SLC10A7: variants seen among roughly 807,000 people sequenced by gnomAD.
SLC10A7 encodes the protein solute carrier family 10 member 7.
SLC10A7 carries 29 observed loss-of-function variants against 43.2 expected under a neutral mutation model. The ratio of observed to expected loss-of-function variants is 0.67; its 90% CI spans 0.50 to 0.92. The LOEUF is 0.92. SLC10A7 is among the 40% of genes least tolerant of loss of function. The pLI is 0.00. For missense variants in SLC10A7, 295 were observed against 403.2 expected (o/e 0.73, Z 2.30); for synonymous variants, 152 against 144.8 (o/e 1.05, Z -0.35).
At chr4:146,348,010 A>G (rs1734746189) in intron 5 of SLC10A7, among the ~76,000 whole-genome samples, 1 of 152,206 alleles carries the variant, frequency 6.6e-6, no homozygotes, top group South Asian at 2.1e-4. Flanking sequence ...TAGACACAAG[A>G]AAGGCTGACA....
At chr4:146,335,959 G>T (rs1338232577) in intron 5 of SLC10A7, among the ~76,000 whole-genome samples, 1 of 152,082 alleles carries the variant, frequency 6.6e-6, no homozygotes, top group Non-Finnish European at 1.5e-5. Context: ...CTGGAAGCTT[G>T]TGAGAACTAG....
chr4:146,492,166 G>T (rs1735515267), intron 4 of SLC10A7, among the ~76,000 whole-genome samples: 1 of 151,668 alleles, frequency 6.6e-6, no homozygotes, highest in Admixed American at 6.6e-5. Context: ...CTTGCAGTGA[G>T]CCGAGATCGC....
At chr4:146,489,371 G>A (rs1349848396) in intron 4 of SLC10A7, among the ~76,000 whole-genome samples, 7 of 152,152 alleles carry the variant, frequency 4.6e-5, no homozygotes, top group Admixed American at 1.3e-4. Flanking sequence ...CCTTGTTTGC[G>A]CTCTGTAAGC....
At chr4:146,338,464 G>C (rs1414566676) in intron 5 of SLC10A7, among the ~76,000 whole-genome samples, 1 of 151,914 alleles carries the variant, frequency 6.6e-6, no homozygotes, top group African/African-American at 2.4e-5. Context: ...AAGTCATGCA[G>C]TCTGGTTCCA....
intron 5 of SLC10A7, among the ~76,000 whole-genome samples, chr4:146,379,719 A>G (rs1485320385): frequency 6.6e-6 from 1 of 152,122 alleles, no homozygotes; most frequent in Non-Finnish European, 1.5e-5. Context: ...ATTCCTCCTT[A>G]TATTTTTATC....
chr4:146,519,267 CAT>C (rs1004743545), intron 1 of SLC10A7, among the ~76,000 whole-genome samples: 13 of 138,980 alleles, frequency 9.4e-5, no homozygotes, highest in African/African-American at 1.3e-4. Context: ...TAATATATAA[CAT>C]ATTATATACA....
At chr4:146,456,696 C>T (rs981074920) in intron 4 of SLC10A7, among the ~76,000 whole-genome samples, 1 of 151,870 alleles carries the variant, frequency 6.6e-6, no homozygotes, top group Non-Finnish European at 1.5e-5. Context: ...GAGGCAACAC[C>T]GAGTTTTAAT....
intron 5 of SLC10A7, among the ~76,000 whole-genome samples, chr4:146,433,351 AAAGTAACCATCTCAAT>A (rs1447081102): frequency 3.3e-5 from 5 of 151,874 alleles, no homozygotes; most frequent in African/African-American, 1.2e-4. Flanking sequence ...CTTTGAAACC[AAAGTAACCATCTCAAT>A]AAGAAACATA....
At chr4:146,501,987 A>G (rs896323565) in intron 4 of SLC10A7, among the ~76,000 whole-genome samples, 5 of 152,234 alleles carry the variant, frequency 3.3e-5, no homozygotes, top group African/African-American at 1.2e-4. Context: ...AGGAAAAAAT[A>G]TTGACAAAGC....
At chr4:146,403,471 A>C (rs1045203155) in intron 5 of SLC10A7, among the ~76,000 whole-genome samples, 11 of 152,244 alleles carry the variant, frequency 7.2e-5, no homozygotes, top group African/African-American at 2.4e-4. Flanking sequence ...TTTTTCTAGT[A>C]GTGCTTTCCG....
At chr4:146,418,973 T>C (rs1316234070) in intron 5 of SLC10A7, among the ~76,000 whole-genome samples, 1 of 152,164 alleles carries the variant, frequency 6.6e-6, no homozygotes, top group Non-Finnish European at 1.5e-5. Context: ...CAGATTATGA[T>C]AAAGGATATT....
At chr4:146,428,824 A>C (rs1243999631) in intron 5 of SLC10A7, among the ~76,000 whole-genome samples, 1 of 152,182 alleles carries the variant, frequency 6.6e-6, no homozygotes, top group Non-Finnish European at 1.5e-5. Context: ...CTACAATGCT[A>C]TATAATAGAA....
chr4:146,464,229 T>C lies in SLC10A7; in HGVS notation c.397-21408A>G, dbSNP rs549407478. ...AATAAACAGTCTATAAGAAGAATGTTGTAGAACACTATCGAGAGATGTTCA... is the reference window on the plus strand; with the variant it reads ...AATAAACAGTCTATAAGAAGAATGTCGTAGAACACTATCGAGAGATGTTCA... On this transcript the variant is annotated intron_variant, in intron 4 of 11. Transcript: ENST00000335472. Among the ~76,000 whole-genome samples, 3 of 152,266 alleles carry C rather than the reference T, an allele frequency of 2.0e-5. No homozygotes were observed. The South Asian group carries it at 6.2e-4, about 32-fold the overall frequency.
chr4:146,518,095 A>G (rs1738186441), intron 1 of SLC10A7, among the ~76,000 whole-genome samples: 1 of 152,238 alleles, frequency 6.6e-6, no homozygotes, highest in Admixed American at 6.5e-5. Flanking sequence ...ATGTGTTAAC[A>G]CTGCGAGAAC....
chr4:146,521,790 T>C lies in SLC10A7; in HGVS notation c.-73A>G. ...TTTCAAGCTCCGATCACCTAATCCT[T>C]GGAGCGTCTCCACACTTTCCTTGGT... On this transcript the variant is annotated 5_prime_UTR_variant, in exon 1 of 12. Transcript: ENST00000335472. The C allele has an allele frequency of 8.0e-7, 1 of 1,243,482 alleles. No individual in the cohort carries two copies. Among genetic ancestry groups the C allele is most frequent in the Non-Finnish European group, 1.2e-6 (1 of 849,310 alleles). 77.0% of individuals were successfully genotyped at this position (1,243,482 alleles called of 1,614,324 possible).
chr4:146,302,361 A>T (rs1280774191), intron 7 of SLC10A7, among the ~76,000 whole-genome samples: 1 of 152,206 alleles, frequency 6.6e-6, no homozygotes, highest in Non-Finnish European at 1.5e-5. Flanking sequence ...TCACTCTTTC[A>T]GCACATATTT....
rs751216053 is a variant in SLC10A7 at position 146,294,081 on chromosome 4, G to A, written c.570C>T (p.Tyr190=). The change falls in exon 8 of 12, where the codon TAC becomes TAT. Residue 190 remains tyrosine, a synonymous_variant. Transcript: ENST00000335472. ...PLIIGQIVRR[Y]IKDWLERKKP... is the part of the protein sequence containing the mutation. ...TCTTTCTCTCAAGCCAATCCTTGATGTATCTTCGGACAATCTGAAATACAG... is the reference window on the plus strand; with the variant it reads ...TCTTTCTCTCAAGCCAATCCTTGATATATCTTCGGACAATCTGAAATACAG... 7 of 1,607,466 alleles carry A rather than the reference G, an allele frequency of 4.4e-6. No individual in the cohort carries two copies. The South Asian group carries it at 7.8e-5, about 18-fold the overall frequency.
At chr4:146,384,860 A>G (rs182863416) in intron 5 of SLC10A7, among the ~76,000 whole-genome samples, 131 of 152,184 alleles carry the variant, frequency 8.6e-4, no homozygotes, top group African/African-American at 3.1e-3. Flanking sequence ...CATTTTTTTT[A>G]CATTTATACA....
intron 5 of SLC10A7, among the ~76,000 whole-genome samples, chr4:146,367,862 C>A (rs1736504376): frequency 6.6e-6 from 1 of 152,056 alleles, no homozygotes; most frequent in African/African-American, 2.4e-5. Context: ...ACAAAACAAA[C>A]AACAATAAAA....
Sources: gnomAD v4.1 joint callset for allele counts (sites outside exome capture counted in the v4.1 genomes callset) on GRCh38, gnomAD v4.1.1 for gene constraint, MANE v1.5 for transcripts, NCBI Gene and HGNC (gene_info 2026-07-23, HGNC 2026-07-21) for gene names.